INPP4B: variants seen among roughly 807,000 people sequenced by gnomAD.
INPP4B encodes the protein inositol polyphosphate 4-phosphatase type II.
A neutral mutation model predicts 122.5 loss-of-function variants in INPP4B; 55 were observed. The ratio of observed to expected loss-of-function variants is 0.45; its 90% CI spans 0.36 to 0.56. INPP4B has a LOEUF of 0.56. Among genes scored for constraint, INPP4B ranks in the 20% least tolerant of loss-of-function variants. The pLI, the probability that INPP4B is intolerant of heterozygous loss-of-function variation, is 0.00. For synonymous variants in INPP4B, 403 were observed against 388.7 expected, an observed-to-expected ratio of 1.04 and a Z score of -0.43; for missense variants, 1,000 against 1,097.7, an observed-to-expected ratio of 0.91 and a Z score of 1.26.
chr4:142,286,975 T>C (rs1754008309), intron 9 of INPP4B: 1 of 152,220 alleles, frequency 6.6e-6, no homozygotes, highest in South Asian at 2.1e-4. Flanking sequence ...AGCTACTTGA[T>C]CTTTCTTCCG....
intron 16 of INPP4B, among the ~76,000 whole-genome samples, chr4:142,162,345 G>T (rs904936781): frequency 6.6e-6 from 1 of 151,546 alleles, no homozygotes; most frequent in Non-Finnish European, 1.5e-5. Context: ...AAATTGGCTA[G>T]ACAGTACTCA....
chr4:142,816,304 C>T (rs756374544), intron 1 of INPP4B, among the ~76,000 whole-genome samples: 3 of 151,994 alleles, frequency 2.0e-5, no homozygotes, highest in South Asian at 2.1e-4. Flanking sequence ...ATTTCCATTT[C>T]GTAAGAAATT....
chr4:142,270,604 A>G (rs988795499), intron 10 of INPP4B, 59 bp downstream of exon 10: 13 of 1,177,704 alleles, frequency 1.1e-5, no homozygotes, highest in Non-Finnish European at 1.4e-5. Flanking sequence ...TGAGACAGAC[A>G]TCTGGCAAAG....
At chr4:142,587,282 A>G (rs1736424979) in intron 2 of INPP4B, among the ~76,000 whole-genome samples, 1 of 152,152 alleles carries the variant, frequency 6.6e-6, no homozygotes, top group South Asian at 2.1e-4. Context: ...ACTGGTTTCC[A>G]TAACACCTAC....
At chr4:142,408,876 G>A (rs972451958) in intron 5 of INPP4B, among the ~76,000 whole-genome samples, 1 of 152,134 alleles carries the variant, frequency 6.6e-6, no homozygotes, top group African/African-American at 2.4e-5. Context: ...GTTTAAATAT[G>A]CAGGATGTTG....
At chr4:142,073,691 G>A (rs1168985117) in intron 25 of INPP4B, among the ~76,000 whole-genome samples, 1 of 152,024 alleles carries the variant, frequency 6.6e-6, no homozygotes, top group Non-Finnish European at 1.5e-5. Flanking sequence ...CTAGGACAAG[G>A]CAGATGGTGT....
chr4:142,491,872 T>G (rs1157996004), intron 2 of INPP4B, among the ~76,000 whole-genome samples: 1 of 152,154 alleles, frequency 6.6e-6, no homozygotes, highest in Non-Finnish European at 1.5e-5. Flanking sequence ...TATATTCTAT[T>G]TCTTTTGTTG....
Position 142,372,944 on chromosome 4 carries a change from C to T in INPP4B, c.372+29994G>A, listed in dbSNP as rs986768825. Among the ~76,000 whole-genome samples the T allele has an allele frequency of 2.0e-4, 31 of 151,992 alleles. 1 individual carries two copies. The highest frequency in any genetic ancestry group is 7.2e-4 in the African/African-American group (30 of 41,420). ...ATCTAGGCCTTGAACCAATGACCTA[C>T]CTTCTATAACTGCCTACACAATACA... is the stretch of plus-strand genomic sequence containing the variant. On this transcript the variant is annotated intron_variant, in intron 7 of 25. Transcript: ENST00000262992.
At chr4:142,314,035 T>A (rs1386720019) in intron 8 of INPP4B, among the ~76,000 whole-genome samples, 1 of 152,178 alleles carries the variant, frequency 6.6e-6, no homozygotes, top group Non-Finnish European at 1.5e-5. Context: ...TCCAGTTGGC[T>A]CAGCCCCAGG....
At chr4:142,085,147 A>G (rs1776138560) in intron 24 of INPP4B, among the ~76,000 whole-genome samples, 1 of 152,218 alleles carries the variant, frequency 6.6e-6, no homozygotes, top group Admixed American at 6.5e-5. Context: ...AAGGGAAACT[A>G]AAGAAGCTTT....
chr4:142,350,187 G>C (rs1254050311), intron 7 of INPP4B, among the ~76,000 whole-genome samples: 3 of 151,956 alleles, frequency 2.0e-5, no homozygotes, highest in African/African-American at 7.2e-5. Flanking sequence ...TTCTCTGAGT[G>C]TTCAGAGATG....
chr4:142,755,582 G>T (rs1011680721), intron 1 of INPP4B, among the ~76,000 whole-genome samples: 4 of 152,004 alleles, frequency 2.6e-5, no homozygotes, highest in Admixed American at 6.6e-5. Context: ...TTCTGAGCAA[G>T]GATGGAATAC....
At chr4:142,496,852 A>T (rs1009903132) in intron 2 of INPP4B, 2 of 152,042 alleles carry the variant, frequency 1.3e-5, no homozygotes, top group Admixed American at 6.6e-5. Context: ...TTATCAAAAG[A>T]TATACTTTAA....
At chr4:142,544,879 A>G (rs2150047869) in intron 2 of INPP4B, among the ~76,000 whole-genome samples, 1 of 152,334 alleles carries the variant, frequency 6.6e-6, no homozygotes, top group African/African-American at 2.4e-5. Context: ...ATTACTCAAG[A>G]GTAATAAACC....
At position 142,187,695 on chromosome 4, in the gene INPP4B, G is replaced by A. The variant is rs780550051; in HGVS notation, c.1181+5392C>T. On this transcript the variant is annotated intron_variant, in intron 15 of 25. Transcript: ENST00000262992. ...TGCAACCTCCACCTTGCAGGCTCAA[G>A]TGATCCTTCCACTTTAGTCTCCCAA... is the stretch of plus-strand genomic sequence containing the variant. 1.6e-4 allele frequency among the ~76,000 whole-genome samples: 24 copies of A among 151,962 alleles called. 1 individual carries two copies. The highest frequency in any genetic ancestry group is 5.8e-4 in the African/African-American group (24 of 41,342).
At chr4:142,095,645 C>T (rs990298229) in intron 23 of INPP4B, among the ~76,000 whole-genome samples, 4 of 152,028 alleles carry the variant, frequency 2.6e-5, no homozygotes, top group Admixed American at 2.0e-4. Flanking sequence ...AAAAAGTATG[C>T]TTTGTTTGAA....
At chr4:142,039,290 C>T (rs1745850799) in intron 25 of INPP4B, among the ~76,000 whole-genome samples, 1 of 152,102 alleles carries the variant, frequency 6.6e-6, no homozygotes, top group Non-Finnish European at 1.5e-5. Context: ...TGTTCATGCT[C>T]AGTCTTATCT....
chr4:142,026,787 G>A lies in INPP4B; in HGVS notation c.*1995C>T, dbSNP rs1737146230. The A allele has an allele frequency of 6.6e-6, 1 of 152,096 alleles. No individual in the cohort carries two copies. Among genetic ancestry groups the A allele is most frequent in the African/African-American group, 2.4e-5 (1 of 41,412 alleles). 9.4% of individuals were successfully genotyped at this position (152,096 alleles called of 1,614,324 possible). A position where few individuals can be genotyped will look rare whatever the true frequency, so the allele number is the denominator to read the frequency against. On this transcript the variant is annotated 3_prime_UTR_variant, in exon 26 of 26. Transcript: ENST00000262992. ...TTTAAAAATAGAAAACCCTACTGCTGGCTTTCCAGTTAATATTTTTCCATA... is the reference window on the plus strand; with the variant it reads ...TTTAAAAATAGAAAACCCTACTGCTAGCTTTCCAGTTAATATTTTTCCATA...
intron 7 of INPP4B, among the ~76,000 whole-genome samples, chr4:142,371,985 C>T (rs1309093559): frequency 1.3e-5 from 2 of 151,912 alleles, no homozygotes; most frequent in Non-Finnish European, 2.9e-5. Context: ...CCTGCATCCA[C>T]GTGTTTATCA....
Sources: gnomAD v4.1 joint callset for allele counts (sites outside exome capture counted in the v4.1 genomes callset) on GRCh38, gnomAD v4.1.1 for gene constraint, MANE v1.5 for transcripts, NCBI Gene and HGNC (gene_info 2026-07-23, HGNC 2026-07-21) for gene names.